EP400: variants seen among roughly 807,000 people sequenced by gnomAD.
The protein encoded by EP400 is E1A binding protein p400.
A neutral mutation model predicts 354.1 loss-of-function variants in EP400; 105 were observed. The ratio of observed to expected loss-of-function variants is 0.30; its 90% CI spans 0.25 to 0.35. The LOEUF is 0.35. EP400 is among the 10% of genes least tolerant of loss of function. The pLI is 1.00. For synonymous variants in EP400, 1,646 were observed against 1,716.9 expected, an observed-to-expected ratio of 0.96 and a Z score of 1.02; for missense variants, 3,280 against 4,121.0, an observed-to-expected ratio of 0.80 and a Z score of 5.59.
rs1896209287 is a variant in EP400 at position 132,075,566 on chromosome 12, G to A, written c.9022-950G>A. ...TTTGTTTCCCAGCAGTTCCACAGGG[G>A]GCGCTCAGGGCACTTATCTTAGTGA... On this transcript the variant is annotated intron_variant, in intron 51 of 52. Transcript: ENST00000389561. This position sits in a 1 kb window ranked among gnomAD's most constrained non-coding sequence, Gnocchi z 4.5. 1 of 152,156 alleles carries A rather than the reference G, an allele frequency of 6.6e-6. No homozygotes were observed. Among genetic ancestry groups the A allele is most frequent in the African/African-American group, 2.4e-5 (1 of 41,422 alleles). 9.4% of individuals were successfully genotyped at this position (152,156 alleles called of 1,614,324 possible).
In EP400 at chr12:131,963,968, C is replaced by T. The variant is rs1891987797; in HGVS notation, c.1335+2014C>T. Among the ~76,000 whole-genome samples, 3 of 151,958 alleles carry T rather than the reference C, an allele frequency of 2.0e-5. No homozygotes were observed. The South Asian group carries it at 6.3e-4, about 32-fold the overall frequency. On this transcript the variant is annotated intron_variant, in intron 2 of 52. Coordinates refer to ENST00000389561, the MANE Select transcript of EP400 (RefSeq NM_015409.5). ...TTTCAATGTTGGTTCTTTCTTGTGT[C>T]CTTTATTTTGAGAACAGTGCAAAAC...
rs778388372 is a variant in EP400 at position 132,005,212 on chromosome 12, A to C, written c.2935+28A>C. ...GCGCTCCCAGCCTTTGGAAGAATTC[A>C]GGGTTAAAAGCAGAAGCCGGAGTAC... On this transcript the variant is annotated intron_variant, in intron 13 of 52. Transcript: ENST00000389561. The C allele has an allele frequency of 2.0e-6, 3 of 1,514,528 alleles. No homozygotes were observed. The South Asian group carries it at 3.7e-5, about 19-fold the overall frequency. The allele number at this position is 1,514,528 out of a possible 1,614,324, so 93.8% of individuals were successfully genotyped here.
rs1003879242 is a variant in EP400, at chr12:132,080,190, T to C, written c.*2517T>C. 2.0e-5 allele frequency: 3 copies of C among 152,562 alleles called. No homozygotes were observed. Among genetic ancestry groups the C allele is most frequent in the Middle Eastern group, 3.4e-3 (1 of 294 alleles). The allele number at this position is 152,562 out of a possible 1,614,324, so 9.5% of individuals were successfully genotyped here. A position where few individuals can be genotyped will look rare whatever the true frequency, so the allele number is the denominator to read the frequency against. On this transcript the variant is annotated 3_prime_UTR_variant, in exon 53 of 53. Coordinates refer to ENST00000389561, the MANE Select transcript of EP400 (RefSeq NM_015409.5). ...TAAAAACAGTTAGCCAGACTGTTTT[T>C]AAAGCACCTGGCGGGAAGCAGAAGG...
chr12:132,027,379 C>T lies in EP400; in HGVS notation c.5015-58C>T. On this transcript the variant is annotated intron_variant, in intron 25 of 52. Coordinates refer to ENST00000389561, the MANE Select transcript of EP400 (RefSeq NM_015409.5). This position sits in a 1 kb window ranked among gnomAD's most constrained non-coding sequence, Gnocchi z 4.9. Reference sequence around the variant, plus strand: ...GAGGTTCCATGGAGCATGCTGGTGTCAGATGAAATCCTGTGAACTTGGCGT... The same window carrying T: ...GAGGTTCCATGGAGCATGCTGGTGTTAGATGAAATCCTGTGAACTTGGCGT... 3 of 1,558,064 alleles carry T rather than the reference C, an allele frequency of 1.9e-6. No individual in the cohort carries two copies. The highest frequency in any genetic ancestry group is 1.4e-5 in the African/African-American group (1 of 73,992).
chr12:132,048,321 A>C (rs1274612633), intron 39 of EP400, among the ~76,000 whole-genome samples: 5 of 152,208 alleles, frequency 3.3e-5, no homozygotes, highest in Admixed American at 2.0e-4. Flanking sequence ...GACAGGCGTA[A>C]GAAATTATAA....
At chr12:132,042,383 A>C (rs1298147444) in intron 32 of EP400, among the ~76,000 whole-genome samples, 1 of 152,182 alleles carries the variant, frequency 6.6e-6, no homozygotes, top group Non-Finnish European at 1.5e-5. Flanking sequence ...GATGAGCAGA[A>C]GTTCTGAGTT....
chr12:131,995,649 T>G (rs1277082912), intron 12 of EP400, among the ~76,000 whole-genome samples: 2 of 149,788 alleles, frequency 1.3e-5, no homozygotes, highest in African/African-American at 5.0e-5. Flanking sequence ...AATGTGCCGT[T>G]CATCCTGAGT....
At position 132,029,915 on chromosome 12, in the gene EP400, T is replaced by C. The variant is rs376749084; in HGVS notation, c.5584+12T>C. On this transcript the variant is annotated intron_variant, in intron 28 of 52. Transcript: ENST00000389561. This position sits in a 1 kb window ranked among gnomAD's most constrained non-coding sequence, Gnocchi z 4.7. The stretch of plus-strand genomic sequence containing the variant: ...GCAGTTCGACTCAGGTATGCGGCAG[T>C]TGGGGGCGTGGCCCGTGCGGGAGCT... The C allele has an allele frequency of 4.0e-5, 65 of 1,611,486 alleles. No homozygotes were observed. The East Asian group carries it at 1.2e-3, about 29-fold the overall frequency.
intron 29 of EP400, chr12:132,031,280 C>T (rs775769561): frequency 5.8e-6 from 3 of 519,164 alleles, no homozygotes; most frequent in Non-Finnish European, 1.2e-5. Flanking sequence ...CTGGCATTGC[C>T]TGAGGATAGA....
chr12:131,991,884 G>T (rs1343445865), intron 10 of EP400, among the ~76,000 whole-genome samples: 2 of 152,142 alleles, frequency 1.3e-5, no homozygotes, highest in East Asian at 3.9e-4. Context: ...ACCGTGCCCC[G>T]CCTATTACTC....
At chr12:131,979,816 G>T (rs772061529) in intron 3 of EP400, 23 bp downstream of exon 3, 1 of 1,574,170 alleles carries the variant, frequency 6.4e-7, no homozygotes, top group East Asian at 2.3e-5. Context: ...GGCTAGCGTG[G>T]CCTCGGGAAT....
rs979314587 is a variant in EP400, at chr12:132,018,602, C to T, written c.4277+226C>T. Among the ~76,000 whole-genome samples the T allele has an allele frequency of 3.3e-5, 5 of 152,306 alleles. No homozygotes were observed. The highest frequency in any genetic ancestry group is 3.4e-3 in the Middle Eastern group (1 of 294). ...CTCCCTGAGCAGCAACCTCCTTGAT[C>T]GTCTTTGCAGCAGTTTTAGGGTAGG... On this transcript the variant is annotated intron_variant, in intron 21 of 52. Coordinates refer to ENST00000389561, the MANE Select transcript of EP400 (RefSeq NM_015409.5). This position sits in a 1 kb window ranked among gnomAD's most constrained non-coding sequence, Gnocchi z 4.0.
intron 1 of EP400, among the ~76,000 whole-genome samples, chr12:131,952,454 CTTGTTT>C (rs919623133): frequency 5.9e-5 from 9 of 151,772 alleles, no homozygotes; most frequent in African/African-American, 1.7e-4. Flanking sequence ...GCCCCAATAG[CTTGTTT>C]TTGTTTTTGT....
At chr12:132,046,121 G>T (rs1565927715) in intron 39 of EP400, among the ~76,000 whole-genome samples, 1 of 152,248 alleles carries the variant, frequency 6.6e-6, no homozygotes, top group Admixed American at 6.5e-5. Flanking sequence ...AGTTCACGTT[G>T]TGCTTGTTGG....
At chr12:131,964,198 C>CA (rs1382651815) in intron 2 of EP400, among the ~76,000 whole-genome samples, 1 of 152,100 alleles carries the variant, frequency 6.6e-6, no homozygotes, top group Non-Finnish European at 1.5e-5. Context: ...AAACACAGGT[C>CA]ACTCACGCCT....
rs1299515319 is a variant in EP400, at chr12:132,005,109, T to C, written c.2860T>C (p.Tyr954His). 1.3e-6 allele frequency: 2 copies of C among 1,589,360 alleles called. No individual in the cohort carries two copies. Among genetic ancestry groups the C allele is most frequent in the Non-Finnish European group, 8.6e-7 (1 of 1,168,128 alleles). ...ELPLLDLMKLYEGAFLPSSQW... is the reference protein window; with the variant it reads ...ELPLLDLMKLHEGAFLPSSQW... ...GCCCCTCCTGGACCTGATGAAGCTG[T>C]ACGAAGGCGCCTTCCTGCCGAGTTC... Residue 954 changes from tyrosine (Y) to histidine (H), a missense_variant, in exon 13 of 53, where the codon TAC becomes CAC. Tyr to His is a moderately conservative substitution (Grantham distance 83). Coordinates refer to ENST00000389561, the MANE Select transcript of EP400 (RefSeq NM_015409.5).
intron 19 of EP400, among the ~76,000 whole-genome samples, chr12:132,016,447 C>T (rs1476308446): frequency 3.3e-5 from 5 of 152,148 alleles, no homozygotes; most frequent in Non-Finnish European, 7.3e-5. Flanking sequence ...GGGCTCACTG[C>T]AACCTCTGCC....
At chr12:131,950,661 C>T (rs996384641) in intron 1 of EP400, among the ~76,000 whole-genome samples, 1 of 152,226 alleles carries the variant, frequency 6.6e-6, no homozygotes, top group African/African-American at 2.4e-5. Flanking sequence ...CGCTGCCTCC[C>T]CGGGGGCGCC....
At chr12:132,044,347 C>T (rs747702521) in intron 35 of EP400, 36 bp downstream of exon 35, 2 of 1,596,670 alleles carry the variant, frequency 1.3e-6, no homozygotes, top group Non-Finnish European at 1.7e-6. Flanking sequence ...CTCTTGCCCC[C>T]CTGCTGAGGG....
Sources: gnomAD v4.1 joint callset for allele counts (sites outside exome capture counted in the v4.1 genomes callset) on GRCh38, gnomAD v4.1.1 for gene constraint, Gnocchi (gnomAD v3.1) non-coding constraint, MANE v1.5 for transcripts, NCBI Gene and HGNC (gene_info 2026-07-23, HGNC 2026-07-21) for gene names.